The following HIP1 variants were observed in gnomAD, a reference collection of about 807,000 sequenced individuals.
HIP1 encodes the protein huntingtin-interacting protein 1.
Under a neutral mutation model 147.6 loss-of-function variants are expected in HIP1, and 65 were observed. That is an observed-to-expected ratio of 0.44 (90% CI 0.36 to 0.54). The LOEUF is 0.54. HIP1 is among the 20% of genes least tolerant of loss of function. The pLI is 0.00. For missense variants in HIP1, 1,061 were observed against 1,299.6 expected, an observed-to-expected ratio of 0.82 and a Z score of 2.82; for synonymous variants, 479 against 504.0, an observed-to-expected ratio of 0.95 and a Z score of 0.67.
At chr7:75,649,568 T>C (rs1170845509) in intron 1 of HIP1, among the ~76,000 whole-genome samples, 1 of 152,074 alleles carries the variant, frequency 6.6e-6, no homozygotes, top group Non-Finnish European at 1.5e-5. Flanking sequence ...AGCTGCACAC[T>C]CCAATTACCT....
intron 1 of HIP1, among the ~76,000 whole-genome samples, chr7:75,650,268 C>T (rs879962965): frequency 1.3e-5 from 2 of 152,006 alleles, no homozygotes; most frequent in African/African-American, 4.8e-5. Context: ...CTGGAAACCT[C>T]GCCTCAAGGG....
chr7:75,549,067 T>C, intron 22 of HIP1, 66 bp from the exon 23 acceptor site: 3 of 1,168,988 alleles, frequency 2.6e-6, no homozygotes, highest in East Asian at 4.7e-5. Flanking sequence ...CTGCCATCTG[T>C]AACCCTTACA....
At chr7:75,547,124 G>C (rs782385531) in intron 24 of HIP1, 92 bp from the exon 25 acceptor site, 5 of 1,062,458 alleles carry the variant, frequency 4.7e-6, no homozygotes, top group Non-Finnish European at 7.0e-6. Context: ...CCAAAGGCAA[G>C]CTTGGAATGG....
chr7:75,604,579 T>C lies in HIP1; in HGVS notation c.121-5332A>G, dbSNP rs587664138. ...TACTCTGGAGACTGAGGTGGGAGGA[T>C]TACTTGAGCGATCCAGGCATTGGAG... On this transcript the variant is annotated intron_variant, in intron 1 of 30. Coordinates refer to ENST00000336926, the MANE Select transcript of HIP1 (RefSeq NM_005338.7). Among the ~76,000 whole-genome samples, 10 of 152,102 alleles carry C rather than the reference T, an allele frequency of 6.6e-5. No homozygotes were observed. In the South Asian group the frequency reaches 2.1e-3, roughly 32 times the overall value.
rs71082343 is a variant in HIP1 at position 75,714,455 on chromosome 7, C to CT, written c.120+24345dup. ...CTTGTATTAACTAACATCTTTTTTT[C>CT]TTTTTTTTTTTTTTTGAGACAGAGT... On this transcript the variant is annotated intron_variant, in intron 1 of 30. Transcript: ENST00000336926. Among the ~76,000 whole-genome samples, 122 of 137,844 alleles carry CT rather than the reference C, an allele frequency of 8.9e-4. 1 individual carries two copies. The highest frequency in any genetic ancestry group is 2.4e-3 in the East Asian group (11 of 4,668). 90.4% of individuals were successfully genotyped at this position (137,844 alleles called of 152,430 possible).
rs1209221755 is a variant in HIP1, at chr7:75,555,030, AC to A, written c.1963+385del. On this transcript the variant is annotated intron_variant, in intron 19 of 30. Coordinates refer to ENST00000336926, the MANE Select transcript of HIP1 (RefSeq NM_005338.7). ...AGACCAGTCTGAGCAACAAACCGAA[AC>A]CAAAAATTAGCTGGGCGTGGTGTTG... 1.4e-4 allele frequency among the ~76,000 whole-genome samples: 21 copies of A among 151,892 alleles called. No individual in the cohort carries two copies. The East Asian group carries it at 4.1e-3, about 29-fold the overall frequency.
At chr7:75,649,628 C>T (rs543000802) in intron 1 of HIP1, among the ~76,000 whole-genome samples, 1 of 152,278 alleles carries the variant, frequency 6.6e-6, no homozygotes, top group African/African-American at 2.4e-5. Context: ...GGTCTGGGAT[C>T]AGCCTGGGCA....
chr7:75,626,293 C>T (rs1365294257), intron 1 of HIP1: 1 of 152,148 alleles, frequency 6.6e-6, no homozygotes, highest in African/African-American at 2.4e-5. Context: ...AAGCTAAAAC[C>T]TCAAAGCCTA....
intron 25 of HIP1, among the ~76,000 whole-genome samples, chr7:75,546,149 G>T (rs917025690): frequency 1.3e-5 from 2 of 152,006 alleles, no homozygotes; most frequent in Non-Finnish European, 2.9e-5. Context: ...TCTGAAAAGA[G>T]TCTAGCCACT....
chr7:75,657,526 CA>C (rs201991075), intron 1 of HIP1, among the ~76,000 whole-genome samples: 3,749 of 66,610 alleles, frequency 0.056, 97 homozygotes, highest in African/African-American at 0.18. Flanking sequence ...GACTTTGTCT[CA>C]AAAAAAAAAA....
At chr7:75,701,862 A>T (rs1178475235) in intron 1 of HIP1, among the ~76,000 whole-genome samples, 1 of 152,134 alleles carries the variant, frequency 6.6e-6, no homozygotes, top group East Asian at 1.9e-4. Flanking sequence ...CAACAACAAT[A>T]ACAACAGGAC....
chr7:75,547,675 T>C (rs1794621494), intron 24 of HIP1, 80 bp downstream of exon 24: 1 of 1,202,554 alleles, frequency 8.3e-7, no homozygotes, highest in Non-Finnish European at 1.2e-6. Context: ...TCTAATTCCC[T>C]AATAAGTATG....
intron 1 of HIP1, among the ~76,000 whole-genome samples, chr7:75,624,156 C>T (rs1236848752): frequency 2.0e-5 from 3 of 152,070 alleles, no homozygotes; most frequent in Admixed American, 6.6e-5. Context: ...ATGGAGTGAG[C>T]GGTGAGGCTG....
chr7:75,669,266 G>A (rs1469925804), intron 1 of HIP1, among the ~76,000 whole-genome samples: 4 of 152,124 alleles, frequency 2.6e-5, no homozygotes, highest in African/African-American at 4.8e-5. Flanking sequence ...CCAGCTACTC[G>A]GGAGGCTGAG....
At chr7:75,639,706 G>A (rs1004240939) in intron 1 of HIP1, among the ~76,000 whole-genome samples, 1 of 151,994 alleles carries the variant, frequency 6.6e-6, no homozygotes, top group African/African-American at 2.4e-5. Flanking sequence ...GGGACAGATG[G>A]GGGGCGCAGG....
At chr7:75,675,619 T>C (rs1297223041) in intron 1 of HIP1, among the ~76,000 whole-genome samples, 1 of 152,212 alleles carries the variant, frequency 6.6e-6, no homozygotes, top group African/African-American at 2.4e-5. Flanking sequence ...GAAATTCTGT[T>C]TTCATACTTT....
intron 1 of HIP1, among the ~76,000 whole-genome samples, chr7:75,682,844 T>C (rs1224417324): frequency 2.6e-5 from 4 of 152,184 alleles, no homozygotes; most frequent in Non-Finnish European, 4.4e-5. Context: ...ATTGCTGCGC[T>C]GGAGGGACTG....
chr7:75,538,660 C>T lies in HIP1; in HGVS notation c.3062-436G>A, dbSNP rs1026393498. ...CGCGATCTCGGCTCACTGCAAGCTC[C>T]GCCTCCCGGGTTCACGCCATTCTCC... On this transcript the variant is annotated intron_variant, in intron 30 of 30. Transcript: ENST00000336926. 4.0e-5 allele frequency among the ~76,000 whole-genome samples: 6 copies of T among 151,126 alleles called. No homozygotes were observed. In the East Asian group the frequency reaches 5.8e-4, roughly 15 times the overall value.
chr7:75,684,257 G>T (rs781933183), intron 1 of HIP1, among the ~76,000 whole-genome samples: 20 of 151,762 alleles, frequency 1.3e-4, no homozygotes, highest in Non-Finnish European at 2.4e-4. Context: ...GAACAGCCTG[G>T]CCAACATGGT....
Sources: allele counts gnomAD v4.1 joint callset (sites outside exome capture counted in the v4.1 genomes callset), GRCh38; gene constraint gnomAD v4.1.1; transcripts MANE v1.5; gene names NCBI Gene and HGNC (gene_info 2026-07-23, HGNC 2026-07-21).